CCDC57: variants seen among roughly 807,000 people sequenced by gnomAD.
The protein encoded by CCDC57 is coiled-coil domain containing 57.
CCDC57 carries 118 observed loss-of-function variants against 118.9 expected under a neutral mutation model. The ratio of observed to expected loss-of-function variants is 0.99; its 90% CI spans 0.86 to 1.16. The LOEUF is 1.16. CCDC57 is among the 50% of genes most tolerant of loss of function. The probability of loss-of-function intolerance (pLI) is 0.00; values close to 1 mark genes in which losing one functional copy is unlikely to be tolerated. For synonymous variants in CCDC57, 527 were observed against 532.9 expected (o/e 0.99, Z 0.15); for missense variants, 1,300 against 1,320.7 (o/e 0.98, Z 0.24).
intron 13 of CCDC57, among the ~76,000 whole-genome samples, chr17:82,164,432 GAA>G (rs2043735045): frequency 6.6e-6 from 1 of 151,960 alleles, no homozygotes; most frequent in Admixed American, 6.6e-5. Flanking sequence ...GTAGGAGGAA[GAA>G]AAGATAACGT....
intron 19 of CCDC57, among the ~76,000 whole-genome samples, chr17:82,122,429 C>CACTCTAGGACTCGGAGGGCAGGT (rs2036837044): frequency 6.6e-6 from 1 of 152,072 alleles, no homozygotes; most frequent in Non-Finnish European, 1.5e-5. Context: ...GTGCTTGTGG[C>CACTCTAGGACTCGGAGGGCAGGT]GCTCTAGGAC....
rs921046547 is a variant in CCDC57 at position 82,184,359 on chromosome 17, C to T, written c.1053-427G>A. On this transcript the variant is annotated intron_variant, in intron 8 of 19. Coordinates refer to ENST00000665763, the Ensembl canonical transcript of CCDC57. ...TCCTCGCCATGCCTAGCACAGCACCCCACGTGCAGAGACATTCAGCACATT... is the reference window on the plus strand; with the variant it reads ...TCCTCGCCATGCCTAGCACAGCACCTCACGTGCAGAGACATTCAGCACATT... Among the ~76,000 whole-genome samples, 9 of 152,316 alleles carry T rather than the reference C, an allele frequency of 5.9e-5. No homozygotes were observed. In the South Asian group the frequency reaches 1.7e-3, roughly 28 times the overall value.
chr17:82,117,482 T>TA (rs1407059930), intron 19 of CCDC57, among the ~76,000 whole-genome samples: 1 of 151,980 alleles, frequency 6.6e-6, no homozygotes, highest in African/African-American at 2.4e-5. Context: ...CTACAAAATG[T>TA]AAAAAATTAG....
At chr17:82,126,775 G>T (rs962014771) in intron 19 of CCDC57, 20 of 985,320 alleles carry the variant, frequency 2.0e-5, no homozygotes, top group Non-Finnish European at 2.3e-5. Context: ...AGCCTGTAAG[G>T]TTACTATTCT....
exon 3 of CCDC57, chr17:82,201,896 T>C (rs748699253): frequency 1.8e-5 from 29 of 1,608,146 alleles, no homozygotes; most frequent in Non-Finnish European, 2.3e-5. Context: ...TCCTCCTCCT[T>C]GCGAAGCAGC....
chr17:82,204,080 G>A (rs1303202994), intron 2 of CCDC57, among the ~76,000 whole-genome samples: 2 of 152,110 alleles, frequency 1.3e-5, no homozygotes, highest in African/African-American at 4.8e-5. Context: ...GGGCACGAGG[G>A]CTCCCTGGGG....
intron 1 of CCDC57, among the ~76,000 whole-genome samples, chr17:82,210,028 C>T (rs138825245): frequency 3.9e-5 from 6 of 151,970 alleles, no homozygotes; most frequent in South Asian, 4.2e-4. Context: ...ATAAGATAAG[C>T]CTGAATTCTG....
At chr17:82,191,057 TG>T (rs2047617092) in intron 7 of CCDC57, among the ~76,000 whole-genome samples, 2 of 151,496 alleles carry the variant, frequency 1.3e-5, no homozygotes, top group Non-Finnish European at 2.9e-5. Context: ...CTTCACAGGA[TG>T]TCCAATGGTG....
At chr17:82,153,047 C>T (rs115442929) in intron 15 of CCDC57, among the ~76,000 whole-genome samples, 134 of 152,356 alleles carry the variant, frequency 8.8e-4, no homozygotes, top group African/African-American at 2.8e-3. Context: ...AGTCCAGACT[C>T]GCTTCCTCCA....
chr17:82,157,869 A>C, exon 15 of CCDC57: 2 of 1,585,076 alleles, frequency 1.3e-6, no homozygotes, highest in Non-Finnish European at 1.7e-6. Context: ...CCGCAGCTCC[A>C]AAACCTCCAG....
intron 2 of CCDC57, among the ~76,000 whole-genome samples, chr17:82,204,896 G>A (rs1416368172): frequency 1.3e-5 from 2 of 152,208 alleles, no homozygotes; most frequent in African/African-American, 2.4e-5. Context: ...GGCAGGTGCC[G>A]CTCTGTCTGC....
chr17:82,125,749 A>G (rs2037332372), intron 19 of CCDC57, among the ~76,000 whole-genome samples: 1 of 152,190 alleles, frequency 6.6e-6, no homozygotes, highest in Non-Finnish European at 1.5e-5. Context: ...AAACCCTGAG[A>G]GAGAAGGATA....
At position 82,173,804 on chromosome 17, in the gene CCDC57, G is replaced by C. The variant is rs570658483; in HGVS notation, c.1507-944C>G. Among the ~76,000 whole-genome samples, 142 of 144,080 alleles carry C rather than the reference G, an allele frequency of 9.9e-4. 1 individual carries two copies. Among genetic ancestry groups the C allele is most frequent in the African/African-American group, 3.5e-3 (136 of 39,262 alleles). The allele number at this position is 144,080 out of a possible 152,430, so 94.5% of individuals were successfully genotyped here. ...CCGCAAGGAGCCACCAAGGCGGGAG[G>C]ACAACGAGGTGAGGTGGCTCCGGTG... is the stretch of plus-strand genomic sequence containing the variant. On this transcript the variant is annotated intron_variant, in intron 11 of 19. Coordinates refer to ENST00000665763, the Ensembl canonical transcript of CCDC57.
intron 17 of CCDC57, among the ~76,000 whole-genome samples, chr17:82,131,880 C>A (rs2038418201): frequency 6.6e-6 from 1 of 152,054 alleles, no homozygotes; most frequent in African/African-American, 2.4e-5. Context: ...CTTTGGGAGG[C>A]TGAGGCAGGA....
chr17:82,199,005 AAAAAG>A lies in CCDC57; in HGVS notation c.408-588_408-584del, dbSNP rs2048656288. Among the ~76,000 whole-genome samples the A allele has an allele frequency of 2.4e-5, 3 of 122,960 alleles. No homozygotes were observed. In the Admixed American group the frequency reaches 2.8e-4, roughly 12 times the overall value. The allele number at this position is 122,960 out of a possible 152,430, so 80.7% of individuals were successfully genotyped here. The stretch of plus-strand genomic sequence containing the variant: ...GAGACTCCATCTCAAAAAAAAAAAA[AAAAAG>A]AAAAAGGAAAAAAAAGAAAGATCTG... On this transcript the variant is annotated intron_variant, in intron 3 of 19. Transcript: ENST00000665763.
intron 13 of CCDC57, among the ~76,000 whole-genome samples, chr17:82,171,217 G>A (rs1268552223): frequency 7.1e-6 from 1 of 140,026 alleles, no homozygotes; most frequent in East Asian, 2.1e-4. Context: ...CTGCAGTGAG[G>A]AGCCAGGGCA....
chr17:82,174,670 C>T (rs1171772022), intron 11 of CCDC57, among the ~76,000 whole-genome samples: 2 of 152,196 alleles, frequency 1.3e-5, no homozygotes, highest in Non-Finnish European at 2.9e-5. Context: ...GCCTTGAGTT[C>T]GTGTCCGGCA....
At chr17:82,157,893 A>C in exon 15 of CCDC57, 1 of 1,570,032 alleles carries the variant, frequency 6.4e-7, no homozygotes, top group South Asian at 1.2e-5. Context: ...TACCTGGTCC[A>C]CCTCACGGGG....
chr17:82,167,107 T>C (rs2044086573), intron 13 of CCDC57, among the ~76,000 whole-genome samples: 1 of 151,102 alleles, frequency 6.6e-6, no homozygotes, highest in African/African-American at 2.4e-5. Context: ...GAAAACAAAT[T>C]GAAAAGAAAC....
Sources: allele counts gnomAD v4.1 joint callset (sites outside exome capture counted in the v4.1 genomes callset), GRCh38; gene constraint gnomAD v4.1.1; transcripts MANE v1.5; gene names NCBI Gene and HGNC (gene_info 2026-07-23, HGNC 2026-07-21).